SCN3B: variants seen among roughly 807,000 people sequenced by gnomAD.
SCN3B encodes the protein sodium voltage-gated channel beta subunit 3.
In SCN3B, 11 loss-of-function variants were observed where a neutral mutation model predicts 25.4. The observed-to-expected ratio is 0.43, with a 90% CI of 0.27 to 0.72. The LOEUF (loss-of-function observed/expected upper bound fraction) is 0.72. Among genes scored for constraint, SCN3B ranks in the 30% least tolerant of loss-of-function variants. SCN3B has a pLI of 0.18. For missense variants in SCN3B, 218 were observed against 278.3 expected (o/e 0.78, Z 1.54); for synonymous variants, 109 against 110.7 (o/e 0.99, Z 0.09).
At chr11:123,648,793 C>T (rs1433840349) in intron 2 of SCN3B, among the ~76,000 whole-genome samples, 2 of 152,152 alleles carry the variant, frequency 1.3e-5, no homozygotes, top group South Asian at 2.1e-4. Context: ...TCATGCTCAA[C>T]AGACAGCAAA....
At chr11:123,639,222 A>G (rs1955760795) in intron 4 of SCN3B, 1 of 152,146 alleles carries the variant, frequency 6.6e-6, no homozygotes, top group Non-Finnish European at 1.5e-5. Flanking sequence ...CCTCTTCCTG[A>G]ATTGTGTCTT....
chr11:123,648,524 T>G (rs1213014045), intron 2 of SCN3B, among the ~76,000 whole-genome samples: 1 of 152,228 alleles, frequency 6.6e-6, no homozygotes, highest in Non-Finnish European at 1.5e-5. Context: ...AAAGAATCCC[T>G]GTTTTATGGA....
chr11:123,638,575 T>G (rs1955754825), intron 4 of SCN3B: 1 of 525,500 alleles, frequency 1.9e-6, no homozygotes, highest in African/African-American at 1.9e-5. Context: ...AATCCTGGCC[T>G]CAAAGTGAGA....
In SCN3B at chr11:123,645,662, G is replaced by T. The variant is rs1381710157; in HGVS notation, c.144C>A (p.Cys48Ter). 1 of 1,613,986 alleles carries T rather than the reference G, an allele frequency of 6.2e-7. No homozygotes were observed. The highest frequency in any genetic ancestry group is 2.2e-5 in the East Asian group (1 of 44,866). ...TGGCCTCCACCTCCTCTCTCTTCAT[G>T]CAGGAGATGCAGCGCAGCTTCATGG... The part of the protein sequence containing the change: ...GNPMKLRCIS[C>*]MKREEVEATT... The change falls in exon 3 of 7, where the codon TGC (cysteine) becomes TGA (stop). Residue 48 changes from cysteine to a stop codon, truncating the protein, a stop_gained. Coordinates refer to ENST00000299333, the MANE Select transcript of SCN3B (RefSeq NM_001040151.2). LOFTEE classifies it high-confidence loss of function.
chr11:123,639,020 A>T (rs1266903904), intron 4 of SCN3B: 1 of 155,190 alleles, frequency 6.4e-6, no homozygotes, highest in African/African-American at 2.4e-5. Context: ...CACAGTTAGG[A>T]TCCTGCCATT....
Position 123,652,783 on chromosome 11 carries a change from CATACT to C in SCN3B, c.55+959_55+963del, listed in dbSNP as rs368685222. Among the ~76,000 whole-genome samples, 528 of 152,244 alleles carry C rather than the reference CATACT, an allele frequency of 3.5e-3. 2 individuals carry two copies. Among genetic ancestry groups the C allele is most frequent in the African/African-American group, 0.012 (503 of 41,540 alleles). ...CTACCACCCCCACCCCTGCCATACA[CATACT>C]ACTACACTCACCCATGCATTCAGAT... is the stretch of plus-strand genomic sequence containing the variant. On this transcript the variant is annotated intron_variant, in intron 2 of 6. Transcript: ENST00000299333.
chr11:123,634,218 A>G lies in SCN3B; in HGVS notation c.585-12T>C. The G allele has an allele frequency of 2.5e-6, 4 of 1,612,670 alleles. No homozygotes were observed. Among genetic ancestry groups the G allele is most frequent in the Non-Finnish European group, 3.4e-6 (4 of 1,178,904 alleles). On this transcript the variant is annotated splice_polypyrimidine_tract_variant and intron_variant, in intron 5 of 6. Transcript: ENST00000299333. ...CAAGGTAGTCAGACCTATAGAGGAC[A>G]CAGGGAAAGGGAATCAGAGCTTCAG...
intron 4 of SCN3B, among the ~76,000 whole-genome samples, chr11:123,641,440 G>A (rs970100580): frequency 6.6e-6 from 1 of 152,086 alleles, no homozygotes; most frequent in South Asian, 2.1e-4. Context: ...TTATCACAAC[G>A]ACATGATAAA....
Position 123,654,232 on chromosome 11 carries a change from C to T in SCN3B, c.-32G>A, listed in dbSNP as rs72552193. On this transcript the variant is annotated 5_prime_UTR_variant, in exon 1 of 7. Transcript: ENST00000299333. Reference sequence around the variant, plus strand: ...AGGGTCCAGGTTGATTCACCTCTCGCCTCCCCAGGATCGGTTGCGTTCCGA... The same window carrying T: ...AGGGTCCAGGTTGATTCACCTCTCGTCTCCCCAGGATCGGTTGCGTTCCGA... The T allele has an allele frequency of 3.3e-4, 78 of 233,894 alleles. No homozygotes were observed. Among genetic ancestry groups the T allele is most frequent in the Non-Finnish European group, 6.2e-4 (72 of 116,192 alleles). 14.5% of individuals were successfully genotyped at this position (233,894 alleles called of 1,614,324 possible).
chr11:123,635,219 C>T (rs1234370155), intron 5 of SCN3B, among the ~76,000 whole-genome samples: 3 of 152,176 alleles, frequency 2.0e-5, no homozygotes, highest in Non-Finnish European at 4.4e-5. Flanking sequence ...TAGGAATTTT[C>T]CCTAGACCAC....
At chr11:123,634,918 A>G (rs72552149) in intron 5 of SCN3B, among the ~76,000 whole-genome samples, 2 of 152,078 alleles carry the variant, frequency 1.3e-5, no homozygotes, top group Admixed American at 1.3e-4. Flanking sequence ...ATTTCTCCCA[A>G]TCTCTTGTTT....
At chr11:123,648,504 G>A (rs1324005692) in intron 2 of SCN3B, among the ~76,000 whole-genome samples, 3 of 152,156 alleles carry the variant, frequency 2.0e-5, no homozygotes, top group Non-Finnish European at 4.4e-5. Context: ...ATACACCAGA[G>A]AACAAAAGAA....
chr11:123,644,998 G>A (rs1194968044), intron 3 of SCN3B, among the ~76,000 whole-genome samples: 5 of 151,850 alleles, frequency 3.3e-5, no homozygotes, highest in East Asian at 1.9e-4. Context: ...GAATCTCTTC[G>A]TTTCCAAATC....
rs768784637 is a variant in SCN3B, at chr11:123,645,648, T to C, written c.158A>G (p.Glu53Gly). 6.2e-7 allele frequency: 1 copy of C among 1,614,088 alleles called. No homozygotes were observed. Among genetic ancestry groups the C allele is most frequent in the Non-Finnish European group, 8.5e-7 (1 of 1,179,990 alleles). Reference sequence around the variant, plus strand: ...TTCCACCACCGTGGTGGCCTCCACCTCCTCTCTCTTCATGCAGGAGATGCA... The same window carrying C: ...TTCCACCACCGTGGTGGCCTCCACCCCCTCTCTCTTCATGCAGGAGATGCA... ...LRCISCMKRE[E>G]VEATTVVEWF... is the part of the protein sequence containing the mutation. The change falls in exon 3 of 7, where the codon GAG (glutamate) becomes GGG (glycine). Residue 53 changes from glutamate to glycine, a missense_variant. Glu to Gly is a moderately conservative substitution (Grantham distance 98). Transcript: ENST00000299333.
intron 5 of SCN3B, among the ~76,000 whole-genome samples, chr11:123,637,571 C>T (rs138929797): frequency 0.013 from 1,965 of 152,208 alleles, 30 homozygotes; most frequent in Admixed American, 0.046. Context: ...CTCTGTCACC[C>T]AAGCTGGAGA....
chr11:123,644,796 AGAGAATATATATATAT>A (rs1955830667), intron 3 of SCN3B, among the ~76,000 whole-genome samples: 3 of 53,472 alleles, frequency 5.6e-5, no homozygotes, highest in African/African-American at 7.5e-5. Flanking sequence ...AGAGAGAGAG[AGAGAATATATATATAT>A]ATATATATAT....
chr11:123,641,194 A>G (rs1394932349), intron 4 of SCN3B: 1 of 152,296 alleles, frequency 6.6e-6, no homozygotes, highest in African/African-American at 2.4e-5. Context: ...GGGATAAAGG[A>G]ACTTCAGAAC....
chr11:123,645,747 C>T lies in SCN3B; in HGVS notation c.59G>A (p.Ser20Asn), dbSNP rs779277447. The T allele has an allele frequency of 3.1e-6, 5 of 1,614,060 alleles. No homozygotes were observed. The East Asian group carries it at 8.9e-5, about 29-fold the overall frequency. The change falls in exon 3 of 7, where the codon AGT becomes AAT. Residue 20 changes from serine to asparagine, a missense_variant. Transcript: ENST00000299333. Reference protein sequence around the residue: ...LASLVLIYWVSVCFPVCVEVP... With the variant: ...LASLVLIYWVNVCFPVCVEVP... ...TTCCACACACACAGGGAAGCAGACACTGACTGCAGAGAGGACAGATGGACA... is the reference window on the plus strand; with the variant it reads ...TTCCACACACACAGGGAAGCAGACATTGACTGCAGAGAGGACAGATGGACA...
chr11:123,641,306 C>G (rs536543029), intron 4 of SCN3B, among the ~76,000 whole-genome samples: 37 of 152,304 alleles, frequency 2.4e-4, no homozygotes, highest in African/African-American at 8.4e-4. Context: ...ATTCAGGAGC[C>G]CTGAGAGTCC....
Sources: allele counts gnomAD v4.1 joint callset (sites outside exome capture counted in the v4.1 genomes callset), GRCh38; gene constraint gnomAD v4.1.1; transcripts MANE v1.5; gene names NCBI Gene and HGNC (gene_info 2026-07-23, HGNC 2026-07-21).